ADRA1B: variants seen among roughly 807,000 people sequenced by gnomAD.
ADRA1B encodes the protein adrenoceptor alpha 1B.
ADRA1B carries 17 observed loss-of-function variants against 17.9 expected under a neutral mutation model. The observed-to-expected ratio is 0.95, with a 90% confidence interval of 0.65 to 1.42. The LOEUF is 1.42. ADRA1B is among the 40% of genes most tolerant of loss of function. The pLI is 0.00. For synonymous variants in ADRA1B, 366 were observed against 327.6 expected, an observed-to-expected ratio of 1.12 and a Z score of -1.27; for missense variants, 681 against 722.1, an observed-to-expected ratio of 0.94 and a Z score of 0.65.
chr5:159,890,913 GA>G (rs1448287235), intron 1 of ADRA1B, among the ~76,000 whole-genome samples: 2 of 152,162 alleles, frequency 1.3e-5, no homozygotes, highest in East Asian at 3.9e-4. Context: ...CTATCTTGGG[GA>G]AATATTTCCT....
At chr5:159,939,413 T>TA (rs1755064293) in intron 1 of ADRA1B, among the ~76,000 whole-genome samples, 1 of 151,984 alleles carries the variant, frequency 6.6e-6, no homozygotes, top group African/African-American at 2.4e-5. Context: ...AAGATCTTCC[T>TA]AGAGCACAGA....
At chr5:159,903,825 C>T (rs186161425) in intron 1 of ADRA1B, among the ~76,000 whole-genome samples, 1 of 152,244 alleles carries the variant, frequency 6.6e-6, no homozygotes, top group African/African-American at 2.4e-5. Flanking sequence ...CAGGAGTCCT[C>T]CCCTAGAGCT....
intron 1 of ADRA1B, among the ~76,000 whole-genome samples, chr5:159,958,162 T>C (rs1755598795): frequency 6.6e-6 from 1 of 152,120 alleles, no homozygotes; most frequent in South Asian, 2.1e-4. Context: ...TATGTACCTA[T>C]ATCCTCTTCT....
chr5:159,870,417 T>C (rs1032108264), intron 1 of ADRA1B: 1 of 152,244 alleles, frequency 6.6e-6, no homozygotes, highest in Non-Finnish European at 1.5e-5. Flanking sequence ...AGATTCCATT[T>C]AATTTTTCTC....
At chr5:159,903,988 G>A (rs538434450) in intron 1 of ADRA1B, among the ~76,000 whole-genome samples, 7 of 152,182 alleles carry the variant, frequency 4.6e-5, no homozygotes, top group African/African-American at 1.4e-4. Flanking sequence ...GCATGTATGC[G>A]TGTGTGTGTG....
In ADRA1B at chr5:159,945,625, T is replaced by C. The variant is rs576656009; in HGVS notation, c.950-26254T>C. ...GTCAGACAGGAAGGAAGCATGTATA[T>C]CCTGTGAGGCCTTGTAGGTCATGAT... On this transcript the variant is annotated intron_variant, in intron 1 of 1. Transcript: ENST00000306675. Among the ~76,000 whole-genome samples the C allele has an allele frequency of 1.6e-4, 24 of 152,296 alleles. No homozygotes were observed. The Middle Eastern group carries it at 0.02, about 130-fold the overall frequency.
chr5:159,908,984 G>A (rs574495975), intron 1 of ADRA1B, among the ~76,000 whole-genome samples: 23 of 152,242 alleles, frequency 1.5e-4, no homozygotes, highest in African/African-American at 5.3e-4. Flanking sequence ...ACTCACTCAA[G>A]AAGTGCCACA....
chr5:159,982,548 G>C, the ADRA1B span, among the ~76,000 whole-genome samples: 1 of 152,112 alleles, frequency 6.6e-6, no homozygotes, highest in African/African-American at 2.4e-5. Context: ...AAAAGTCAAG[G>C]TAATTAGTCC....
intron 1 of ADRA1B, among the ~76,000 whole-genome samples, chr5:159,884,580 C>A (rs770781749): frequency 1.3e-5 from 2 of 152,148 alleles, no homozygotes; most frequent in Non-Finnish European, 2.9e-5. Flanking sequence ...AATCTTTGTT[C>A]TTTATAAATT....
chr5:159,870,956 A>G (rs1753731394), intron 1 of ADRA1B: 2 of 152,208 alleles, frequency 1.3e-5, no homozygotes, highest in African/African-American at 2.4e-5. Context: ...AGTTGTATGA[A>G]AACCATGAAA....
intron 1 of ADRA1B, chr5:159,871,154 C>G (rs1053706266): frequency 1.3e-5 from 2 of 152,204 alleles, no homozygotes; most frequent in Non-Finnish European, 2.9e-5. Context: ...TGCTCTCAGC[C>G]TCCCTCAGTC....
chr5:159,970,772 G>T (rs1002263189), intron 1 of ADRA1B, among the ~76,000 whole-genome samples: 18 of 152,138 alleles, frequency 1.2e-4, no homozygotes, highest in African/African-American at 4.3e-4. Context: ...ATTTTTGCCA[G>T]CCTATCAGGT....
At chr5:159,955,220 C>A (rs1483749491) in intron 1 of ADRA1B, 7 of 984,616 alleles carry the variant, frequency 7.1e-6, no homozygotes, top group Non-Finnish European at 6.0e-6. Context: ...CTGAGGGCTG[C>A]GGGTGTCAAG....
intron 1 of ADRA1B, among the ~76,000 whole-genome samples, chr5:159,952,733 A>G (rs1755469511): frequency 6.6e-6 from 1 of 152,210 alleles, no homozygotes; most frequent in Non-Finnish European, 1.5e-5. Flanking sequence ...TCTGTACATG[A>G]TAACTACTCT....
At chr5:159,887,018 T>G (rs1449825821) in intron 1 of ADRA1B, among the ~76,000 whole-genome samples, 2 of 152,156 alleles carry the variant, frequency 1.3e-5, no homozygotes, top group African/African-American at 4.8e-5. Flanking sequence ...GATGAAAAAT[T>G]GAGTGGATAG....
chr5:159,886,930 A>T (rs750290908), intron 1 of ADRA1B, among the ~76,000 whole-genome samples: 1 of 152,198 alleles, frequency 6.6e-6, no homozygotes, highest in Non-Finnish European at 1.5e-5. Flanking sequence ...TGAGTATAGT[A>T]TCTAGCACCT....
intron 1 of ADRA1B, among the ~76,000 whole-genome samples, chr5:159,879,658 T>C (rs574584681): frequency 1.3e-5 from 2 of 152,212 alleles, no homozygotes; most frequent in Admixed American, 1.3e-4. Flanking sequence ...TGCGTGTGTG[T>C]GGGTACATGT....
intron 1 of ADRA1B, chr5:159,950,723 T>G (rs1200175389): frequency 3.0e-6 from 2 of 669,816 alleles, no homozygotes; most frequent in African/African-American, 3.6e-5. Context: ...TTCACCACCT[T>G]CTTAATGTCA....
At chr5:159,981,201 A>G in the ADRA1B span, among the ~76,000 whole-genome samples, 1 of 152,182 alleles carries the variant, frequency 6.6e-6, no homozygotes, top group Non-Finnish European at 1.5e-5. Flanking sequence ...TCCCGGCACT[A>G]TTGAAATTTT....
Sources: allele counts gnomAD v4.1 joint callset (sites outside exome capture counted in the v4.1 genomes callset), GRCh38; gene constraint gnomAD v4.1.1; transcripts MANE v1.5; gene names NCBI Gene and HGNC (gene_info 2026-07-23, HGNC 2026-07-21).